The following AKAP8L variants were observed in gnomAD, a reference collection of about 807,000 sequenced individuals.
AKAP8L encodes A-kinase anchor protein 8-like.
A neutral mutation model predicts 77.5 loss-of-function variants in AKAP8L; 34 were observed. The ratio of observed to expected loss-of-function variants is 0.44; its 90% CI spans 0.33 to 0.58. The LOEUF (loss-of-function observed/expected upper bound fraction) is 0.58. Among genes scored for constraint, AKAP8L ranks in the 20% least tolerant of loss-of-function variants. The probability of loss-of-function intolerance (pLI) is 0.02; values close to 1 mark genes in which losing one functional copy is unlikely to be tolerated. For missense variants in AKAP8L, 806 were observed against 887.6 expected, an observed-to-expected ratio of 0.91 and a Z score of 1.17; for synonymous variants, 342 against 340.7, an observed-to-expected ratio of 1.00 and a Z score of -0.04.
chr19:15,400,994 C>A lies in AKAP8L; in HGVS notation c.866G>T (p.Ser289Ile). The A allele has an allele frequency of 6.2e-7, 1 of 1,613,950 alleles. No individual in the cohort carries two copies. Among genetic ancestry groups the A allele is most frequent in the Non-Finnish European group, 8.5e-7 (1 of 1,179,884 alleles). Reference protein sequence around the residue: ...KQGGSPDEPDSKATRTDCSDN... With the variant: ...KQGGSPDEPDIKATRTDCSDN... Reference sequence around the variant, plus strand: ...CGAGCAGTCCGTGCGGGTGGCTTTGCTATCTGGCTCATCAGGACTGCCGCC... The same window carrying A: ...CGAGCAGTCCGTGCGGGTGGCTTTGATATCTGGCTCATCAGGACTGCCGCC... The change falls in exon 6 of 14, where the codon AGC (serine) becomes ATC (isoleucine). Residue 289 changes from serine (S) to isoleucine (I), a missense_variant. By Grantham distance (142) the Ser-to-Ile change is moderately radical. Transcript: ENST00000397410.
intron 1 of AKAP8L, among the ~76,000 whole-genome samples, chr19:15,411,481 A>C (rs1968104003): frequency 6.7e-6 from 1 of 150,198 alleles, no homozygotes; most frequent in African/African-American, 2.4e-5. Flanking sequence ...AAAAAAAGCC[A>C]GCTGTGGCAG....
chr19:15,397,380 G>T lies in AKAP8L; in HGVS notation c.1406-100C>A. On this transcript the variant is annotated intron_variant, in intron 11 of 13. Transcript: ENST00000397410. This position sits in a 1 kb window ranked among gnomAD's most constrained non-coding sequence, Gnocchi z 4.7. ...CACCAGCTCCTCCTCAACTCGCCCT[G>T]CCACTTCCACCTGGGCCTGAGCCAA... The T allele has an allele frequency of 6.6e-7, 1 of 1,522,364 alleles. No individual in the cohort carries two copies. The highest frequency in any genetic ancestry group is 9.0e-7 in the Non-Finnish European group (1 of 1,115,402). 94.3% of individuals were successfully genotyped at this position (1,522,364 alleles called of 1,614,324 possible). A position where few individuals can be genotyped will look rare whatever the true frequency, so the allele number is the denominator to read the frequency against.
chr19:15,414,465 G>A (rs951817534), intron 1 of AKAP8L, among the ~76,000 whole-genome samples: 1 of 151,858 alleles, frequency 6.6e-6, no homozygotes, highest in Admixed American at 6.6e-5. Context: ...AAAGCTAAAT[G>A]TTAGATCACA....
intron 1 of AKAP8L, among the ~76,000 whole-genome samples, chr19:15,414,415 G>A (rs111847075): frequency 0.021 from 3,148 of 151,578 alleles, 43 homozygotes; most frequent in Middle Eastern, 0.059. Context: ...CCTGATTAGC[G>A]CTGGTTGAAA....
chr19:15,410,636 A>T, intron 1 of AKAP8L, 42 bp from the exon 2 acceptor site: 1 of 1,488,152 alleles, frequency 6.7e-7, no homozygotes, highest in Non-Finnish European at 9.2e-7. Context: ...CAAGCAAGTC[A>T]CAGGGAAATG....
At position 15,403,129 on chromosome 19, in the gene AKAP8L, G is replaced by A. The variant is rs1047289364; in HGVS notation, c.362+346C>T. ...TCCATCTGTCCTGCCCTGACACCAC[G>A]CAGGAGGCAAAGTCTCGAGAGAATT... On this transcript the variant is annotated intron_variant, in intron 4 of 13. Coordinates refer to ENST00000397410, the MANE Select transcript of AKAP8L (RefSeq NM_014371.4). The surrounding 1 kb of genome is among the most constrained non-coding windows in gnomAD (Gnocchi z 4.3). Among the ~76,000 whole-genome samples the A allele has an allele frequency of 2.6e-5, 4 of 152,100 alleles. No homozygotes were observed. Among genetic ancestry groups the A allele is most frequent in the African/African-American group, 9.7e-5 (4 of 41,422 alleles).
intron 1 of AKAP8L, among the ~76,000 whole-genome samples, chr19:15,413,963 C>A (rs1044895697): frequency 2.6e-5 from 4 of 152,152 alleles, no homozygotes; most frequent in Non-Finnish European, 5.9e-5. Context: ...AACTCTATAC[C>A]CTGCACCACA....
intron 12 of AKAP8L, among the ~76,000 whole-genome samples, chr19:15,396,258 C>G (rs190467677): frequency 7.2e-5 from 11 of 152,078 alleles, no homozygotes; most frequent in Admixed American, 2.0e-4. Context: ...ATAAACCCCA[C>G]CACCCTCCTC....
chr19:15,414,117 T>G (rs1599623214), intron 1 of AKAP8L, among the ~76,000 whole-genome samples: 1 of 145,718 alleles, frequency 6.9e-6, no homozygotes, highest in Admixed American at 7.3e-5. Flanking sequence ...CAGGCTGGAG[T>G]GCAATGGTGC....
In AKAP8L at chr19:15,400,369, C is replaced by G. The variant is rs921185861; in HGVS notation, c.985-11G>C. On this transcript the variant is annotated splice_polypyrimidine_tract_variant and intron_variant, in intron 7 of 13. Transcript: ENST00000397410. Reference sequence around the variant, plus strand: ...CTCATCCTCTCCGTCCTAACAATTTCAAATTCCAACTTTAAAACAGGTGCC... The same window carrying G: ...CTCATCCTCTCCGTCCTAACAATTTGAAATTCCAACTTTAAAACAGGTGCC... 2.5e-6 allele frequency: 4 copies of G among 1,596,880 alleles called. No individual in the cohort carries two copies. The highest frequency in any genetic ancestry group is 2.6e-6 in the Non-Finnish European group (3 of 1,171,136).
rs772302671 is a variant in AKAP8L, at chr19:15,397,113, A to G, written c.1536+37T>C. ...CCTCCCCAGAGGCCTCACTCAATCT[A>G]CCCACAGGACAGAGGGAGAGCACTG... On this transcript the variant is annotated intron_variant, in intron 12 of 13. Transcript: ENST00000397410. This position sits in a 1 kb window ranked among gnomAD's most constrained non-coding sequence, Gnocchi z 4.7. The G allele has an allele frequency of 1.5e-5, 24 of 1,609,406 alleles. No homozygotes were observed. Among genetic ancestry groups the G allele is most frequent in the African/African-American group, 2.7e-5 (2 of 74,630 alleles).
At chr19:15,417,408 C>T (rs971234014) in intron 1 of AKAP8L, among the ~76,000 whole-genome samples, 21 of 152,144 alleles carry the variant, frequency 1.4e-4, no homozygotes, top group African/African-American at 5.1e-4. Flanking sequence ...TGATGTTTGA[C>T]GCCAGATACT....
At chr19:15,408,495 G>A (rs1446354535) in intron 2 of AKAP8L, among the ~76,000 whole-genome samples, 12 of 151,490 alleles carry the variant, frequency 7.9e-5, no homozygotes, top group Non-Finnish European at 1.5e-4. Flanking sequence ...TCTGGGAGGT[G>A]GAGGTTGTGG....
chr19:15,380,132 C>T lies in AKAP8L; in HGVS notation c.1931G>A (p.Gly644Asp), dbSNP rs959542098. Residue 644 changes from glycine (G) to aspartate (D), a missense_variant, in exon 14 of 14, where the codon GGC becomes GAC. Physicochemically the swap from Gly to Asp is moderately conservative, Grantham distance 94. Transcript: ENST00000397410. ...CGCCCCGAGCTCGGGTCACGGGGCG[C>T]CCCCGCCGCCCTCCTCGTCGTCCTC... is the stretch of plus-strand genomic sequence containing the variant. ...DVEDDEEGGG[G>D]AP 13 of 1,495,252 alleles carry T rather than the reference C, an allele frequency of 8.7e-6. No individual in the cohort carries two copies. The Admixed American group carries it at 1.5e-4, about 18-fold the overall frequency. The allele number at this position is 1,495,252 out of a possible 1,614,324, so 92.6% of individuals were successfully genotyped here.
In AKAP8L at chr19:15,397,402, C is replaced by CCAAG; in HGVS notation, c.1405+114_1405+117dup. Reference sequence around the variant, plus strand: ...CCTGCCACTTCCACCTGGGCCTGAGCCAAGGCTGGTCTCCTGACCTTCCCT... The same window carrying CCAAG: ...CCTGCCACTTCCACCTGGGCCTGAGCCAAGCAAGGCTGGTCTCCTGACCTTCCCT... On this transcript the variant is annotated intron_variant, in intron 11 of 13. Transcript: ENST00000397410. This position sits in a 1 kb window ranked among gnomAD's most constrained non-coding sequence, Gnocchi z 4.7. 6.7e-7 allele frequency: 1 copy of CCAAG among 1,498,902 alleles called. No individual in the cohort carries two copies. The highest frequency in any genetic ancestry group is 9.1e-7 in the Non-Finnish European group (1 of 1,094,376). The allele number at this position is 1,498,902 out of a possible 1,614,324, so 92.9% of individuals were successfully genotyped here.
intron 2 of AKAP8L, among the ~76,000 whole-genome samples, chr19:15,405,203 T>G (rs898073932): frequency 6.6e-6 from 1 of 152,120 alleles, no homozygotes; most frequent in African/African-American, 2.4e-5. Context: ...ATGGAGCCAT[T>G]CTAAGAGGCA....
intron 12 of AKAP8L, among the ~76,000 whole-genome samples, chr19:15,392,089 CT>C (rs770701483): frequency 3.9e-5 from 6 of 152,226 alleles, no homozygotes; most frequent in African/African-American, 7.2e-5. Context: ...CCACCTTCAC[CT>C]CCTAAAGTGT....
At chr19:15,415,521 T>C (rs1048594062) in intron 1 of AKAP8L, among the ~76,000 whole-genome samples, 1 of 152,090 alleles carries the variant, frequency 6.6e-6, no homozygotes, top group African/African-American at 2.4e-5. Context: ...GACAGGATCT[T>C]GCTCTGTTGC....
At chr19:15,407,653 T>C (rs1387929540) in intron 2 of AKAP8L, among the ~76,000 whole-genome samples, 2 of 152,230 alleles carry the variant, frequency 1.3e-5, no homozygotes, top group Non-Finnish European at 2.9e-5. Flanking sequence ...CCATTTCCTA[T>C]AGCACTAAAA....
Sources: gnomAD v4.1 joint callset for allele counts (sites outside exome capture counted in the v4.1 genomes callset) on GRCh38, gnomAD v4.1.1 for gene constraint, Gnocchi (gnomAD v3.1) non-coding constraint, MANE v1.5 for transcripts, NCBI Gene and HGNC (gene_info 2026-07-23, HGNC 2026-07-21) for gene names.